DISC1: variants seen among roughly 807,000 people sequenced by gnomAD.
DISC1 encodes DISC1 scaffold protein, also known as disrupted in schizophrenia 1 protein.
In DISC1, 57 loss-of-function variants were observed where a neutral mutation model predicts 84.5. That is an observed-to-expected ratio of 0.67 (90% CI 0.55 to 0.84). DISC1 has a LOEUF of 0.84. DISC1 is among the 40% of genes least tolerant of loss of function. The pLI is 0.00. For synonymous variants in DISC1, 411 were observed against 415.2 expected, an observed-to-expected ratio of 0.99 and a Z score of 0.12; for missense variants, 1,000 against 1,057.8, an observed-to-expected ratio of 0.95 and a Z score of 0.76.
chr1:231,935,456 A>G (rs770221214), intron 9 of DISC1, among the ~76,000 whole-genome samples: 1 of 152,202 alleles, frequency 6.6e-6, no homozygotes, highest in Non-Finnish European at 1.5e-5. Flanking sequence ...ACAAATGTAC[A>G]TATTGTCCTC....
chr1:231,886,505 A>G (rs1330857210), intron 9 of DISC1, among the ~76,000 whole-genome samples: 3 of 152,220 alleles, frequency 2.0e-5, no homozygotes, highest in Non-Finnish European at 4.4e-5. Context: ...CCCAGGCTCT[A>G]AATACCATTG....
intron 9 of DISC1, among the ~76,000 whole-genome samples, chr1:231,902,901 C>A (rs574785293): frequency 3.3e-5 from 5 of 152,272 alleles, no homozygotes; most frequent in African/African-American, 1.2e-4. Flanking sequence ...ACTTTGGTTG[C>A]AAGCATTTTG....
intron 1 of DISC1, among the ~76,000 whole-genome samples, chr1:231,655,818 T>C (rs544669266): frequency 1.3e-5 from 2 of 152,318 alleles, no homozygotes; most frequent in East Asian, 1.9e-4. Flanking sequence ...TGGTTTCTCA[T>C]TGTGGTTTTA....
chr1:231,866,693 AAAG>A, intron 9 of DISC1: 1 of 1,363,308 alleles, frequency 7.3e-7, no homozygotes, highest in Non-Finnish European at 9.5e-7. Flanking sequence ...GTCACAATAA[AAAG>A]AAAAAAAGAA....
chr1:231,698,729 G>A lies in DISC1; in HGVS notation c.1048-3226G>A, dbSNP rs1389874915. Among the ~76,000 whole-genome samples, 1 of 152,138 alleles carries A rather than the reference G, an allele frequency of 6.6e-6. No homozygotes were observed. Among genetic ancestry groups the A allele is most frequent in the Non-Finnish European group, 1.5e-5 (1 of 68,022 alleles). On this transcript the variant is annotated intron_variant, in intron 2 of 12. Transcript: ENST00000439617. The surrounding 1 kb of genome is among the most constrained non-coding windows in gnomAD (Gnocchi z 4.9). ...GCTTCTGTTCTAATAAATGTTTAAT[G>A]ATACCATCATTTGGGTGTGGCGATG...
At chr1:231,817,892 AGTTT>A (rs2081184110) in intron 8 of DISC1, among the ~76,000 whole-genome samples, 1 of 152,186 alleles carries the variant, frequency 6.6e-6, no homozygotes, top group Admixed American at 6.5e-5. Context: ...CAGGTCACAC[AGTTT>A]GAGTAACAGG....
At position 232,031,012 on chromosome 1, in the gene DISC1, C is replaced by T. The variant is rs112283595; in HGVS notation, c.2425+4460C>T. On this transcript the variant is annotated intron_variant, in intron 12 of 12. Coordinates refer to ENST00000439617, the MANE Select transcript of DISC1 (RefSeq NM_018662.3). The surrounding 1 kb of genome is among the most constrained non-coding windows in gnomAD (Gnocchi z 4.6). ...CCTGTAGTCCCAGCTACTCCAGAGG[C>T]GTGAGAATTGCTTGAACCCAGGAGG... Among the ~76,000 whole-genome samples, 24,547 of 151,886 alleles carry T rather than the reference C, an allele frequency of 0.16. 2,224 individuals are homozygous for T. Among genetic ancestry groups the T allele is most frequent in the Middle Eastern group, 0.22 (65 of 294 alleles).
intron 8 of DISC1, among the ~76,000 whole-genome samples, chr1:231,801,178 T>C (rs995571934): frequency 6.6e-6 from 1 of 152,206 alleles, no homozygotes; most frequent in South Asian, 2.1e-4. Flanking sequence ...CAGTCACGCG[T>C]ATTATTTACA....
chr1:231,959,264 G>T, intron 10 of DISC1: 4 of 991,890 alleles, frequency 4.0e-6, no homozygotes, highest in Non-Finnish European at 4.8e-6. Flanking sequence ...TACATGGTTT[G>T]GAATAATATA....
chr1:232,015,033 C>T (rs1668355685), intron 11 of DISC1, among the ~76,000 whole-genome samples: 2 of 152,198 alleles, frequency 1.3e-5, no homozygotes, highest in African/African-American at 4.8e-5. Context: ...GGACCCTGCC[C>T]CTGGCCTGGC....
chr1:231,900,635 G>A (rs2088099121), intron 9 of DISC1, among the ~76,000 whole-genome samples: 1 of 152,134 alleles, frequency 6.6e-6, no homozygotes, highest in Non-Finnish European at 1.5e-5. Flanking sequence ...TCAATGGCTT[G>A]TTTCAGAAAG....
In DISC1 at chr1:232,002,444, A is replaced by T. The variant is rs114101271; in HGVS notation, c.2043-6341A>T. Among the ~76,000 whole-genome samples, 853 of 152,284 alleles carry T rather than the reference A, an allele frequency of 5.6e-3. 13 individuals are homozygous for T. The highest frequency in any genetic ancestry group is 0.02 in the African/African-American group (818 of 41,564). On this transcript the variant is annotated intron_variant, in intron 10 of 12. Transcript: ENST00000439617. ...TGCACAGATGTTCATAGCATCTTTT[A>T]TTCATAATATCCCCACACTAGGAGT...
At chr1:231,811,286 G>A (rs1293245666) in intron 8 of DISC1, among the ~76,000 whole-genome samples, 1 of 152,296 alleles carries the variant, frequency 6.6e-6, no homozygotes, top group Non-Finnish European at 1.5e-5. Context: ...TTGGGGAGGG[G>A]AGCAGTTGGC....
intron 12 of DISC1, among the ~76,000 whole-genome samples, chr1:232,027,999 A>G (rs1454826477): frequency 6.6e-6 from 1 of 152,184 alleles, no homozygotes; most frequent in Non-Finnish European, 1.5e-5. Flanking sequence ...AATGATTTTC[A>G]CATTGCTTTA....
chr1:232,019,682 A>C (rs1299725450), intron 11 of DISC1, among the ~76,000 whole-genome samples: 1 of 152,188 alleles, frequency 6.6e-6, no homozygotes, highest in African/African-American at 2.4e-5. Flanking sequence ...GTTTATTTGG[A>C]ATCCGCTGAG....
At chr1:231,908,123 G>A (rs181418161) in intron 9 of DISC1, among the ~76,000 whole-genome samples, 35 of 152,188 alleles carry the variant, frequency 2.3e-4, no homozygotes, top group African/African-American at 6.0e-4. Flanking sequence ...CATTCTGTAC[G>A]TTGCCTGTTC....
chr1:231,794,356 T>A (rs2078596289), intron 6 of DISC1, among the ~76,000 whole-genome samples: 1 of 152,196 alleles, frequency 6.6e-6, no homozygotes, highest in African/African-American at 2.4e-5. Context: ...TCTCCATTGC[T>A]CAAGGCAGAC....
intron 8 of DISC1, 94 bp downstream of exon 8, chr1:231,800,304 T>G (rs989083883): frequency 8.1e-6 from 8 of 985,688 alleles, no homozygotes; most frequent in Non-Finnish European, 1.3e-5. Context: ...CATTCCACTG[T>G]TATTATGTCA....
chr1:231,866,309 C>G (rs757648117), intron 9 of DISC1, among the ~76,000 whole-genome samples: 22 of 152,136 alleles, frequency 1.4e-4, no homozygotes, highest in African/African-American at 7.2e-5. Flanking sequence ...CAACTGTAGG[C>G]AGTTCACTTT....
Sources: gnomAD v4.1 joint callset for allele counts (sites outside exome capture counted in the v4.1 genomes callset) on GRCh38, gnomAD v4.1.1 for gene constraint, Gnocchi (gnomAD v3.1) non-coding constraint, MANE v1.5 for transcripts, NCBI Gene and HGNC (gene_info 2026-07-23, HGNC 2026-07-21) for gene names.